TLK2: variants seen among roughly 807,000 people sequenced by gnomAD.
TLK2 encodes the protein tousled like kinase 2.
In TLK2, 6 loss-of-function variants were observed where a neutral mutation model predicts 117.3. The observed-to-expected ratio is 0.05, with a 90% CI of 0.03 to 0.10. TLK2 has a LOEUF of 0.10. TLK2 is among the 10% of genes least tolerant of loss of function. The pLI is 1.00. For missense variants in TLK2, 299 were observed against 901.2 expected, an observed-to-expected ratio of 0.33 and a Z score of 8.56; for synonymous variants, 257 against 316.7, an observed-to-expected ratio of 0.81 and a Z score of 2.00.
rs572813938 is a variant in TLK2, at chr17:62,613,328, T to C, written c.*763T>C. On this transcript the variant is annotated 3_prime_UTR_variant, in exon 22 of 22. Transcript: ENST00000346027. ...AAAAAATTGAGTGGGAGTACTGAGA[T>C]GTGTGGGTTTTTGCCATTGGACAAA... 6.5e-6 allele frequency: 1 copy of C among 152,724 alleles called. No homozygotes were observed. The highest frequency in any genetic ancestry group is 2.4e-5 in the African/African-American group (1 of 41,546). The allele number at this position is 152,724 out of a possible 1,614,324, so 9.5% of individuals were successfully genotyped here. A position where few individuals can be genotyped will look rare whatever the true frequency, so the allele number is the denominator to read the frequency against.
chr17:62,562,190 T>G (rs1471233829), intron 10 of TLK2, among the ~76,000 whole-genome samples: 1 of 152,078 alleles, frequency 6.6e-6, no homozygotes, highest in Non-Finnish European at 1.5e-5. Flanking sequence ...TGAAACCCCA[T>G]CTCTACTAAA....
intron 17 of TLK2, 56 bp downstream of exon 17, chr17:62,596,730 TG>T (rs1438562957): frequency 6.8e-7 from 1 of 1,480,942 alleles, no homozygotes; most frequent in African/African-American, 1.4e-5. Flanking sequence ...CAATGCTGAT[TG>T]TTCATGGAAT....
intron 2 of TLK2, among the ~76,000 whole-genome samples, chr17:62,495,451 G>A (rs1197583619): frequency 6.6e-6 from 1 of 151,308 alleles, no homozygotes; most frequent in African/African-American, 2.4e-5. Context: ...GTCTCACTCT[G>A]TCACCCAGGC....
At chr17:62,499,138 C>G (rs529044780) in intron 2 of TLK2, among the ~76,000 whole-genome samples, 1 of 151,714 alleles carries the variant, frequency 6.6e-6, no homozygotes, top group African/African-American at 2.4e-5. Context: ...GTCAGGAATT[C>G]GAGACCAGCC....
chr17:62,479,960 T>G (rs2071427386), intron 1 of TLK2, among the ~76,000 whole-genome samples: 1 of 152,198 alleles, frequency 6.6e-6, no homozygotes. Flanking sequence ...TTTTTCCTTC[T>G]TTTTCTTTTT....
upstream of TLK2, among the ~76,000 whole-genome samples, chr17:62,474,052 T>C (rs1408809873): frequency 6.6e-6 from 1 of 152,052 alleles, no homozygotes; most frequent in Non-Finnish European, 1.5e-5. Context: ...TATGGCAACA[T>C]GCGCATCTAA....
upstream of TLK2, among the ~76,000 whole-genome samples, chr17:62,474,944 G>A (rs2071009321): frequency 1.3e-5 from 2 of 152,000 alleles, no homozygotes; most frequent in African/African-American, 2.4e-5. Flanking sequence ...CTACAGACAG[G>A]TGCACGCCAC....
intron 19 of TLK2, among the ~76,000 whole-genome samples, chr17:62,605,438 T>G (rs1288414587): frequency 6.6e-6 from 1 of 152,124 alleles, no homozygotes; most frequent in African/African-American, 2.4e-5. Context: ...AGTGGCATGA[T>G]CTTGGCTCAC....
chr17:62,478,225 G>A (rs1029584440), upstream of TLK2: 2 of 151,868 alleles, frequency 1.3e-5, no homozygotes, highest in African/African-American at 4.8e-5. Flanking sequence ...GGAAGTCCGG[G>A]CGGGGTCCGC....
chr17:62,517,696 A>AATT (rs2075720950), intron 2 of TLK2, among the ~76,000 whole-genome samples: 3 of 149,940 alleles, frequency 2.0e-5, no homozygotes, highest in East Asian at 2.0e-4. Flanking sequence ...TTTTAAAATT[A>AATT]ATTATTATTA....
intron 16 of TLK2, among the ~76,000 whole-genome samples, chr17:62,594,090 C>T (rs141247531): frequency 1.2e-3 from 185 of 151,312 alleles, no homozygotes; most frequent in African/African-American, 4.3e-3. Context: ...ACCGCCCCTG[C>T]TCTCTAAAAT....
At chr17:62,516,190 G>C (rs1386289779) in intron 2 of TLK2, 2 of 594,394 alleles carry the variant, frequency 3.4e-6, no homozygotes, top group African/African-American at 1.9e-5. Flanking sequence ...CTCCCAAAGT[G>C]CTGGGATTAC....
At chr17:62,480,992 C>T in intron 1 of TLK2, 129 bp from the exon 2 acceptor site, 1 of 822,310 alleles carries the variant, frequency 1.2e-6, no homozygotes, top group Non-Finnish European at 2.0e-6. Context: ...CACTTGTATG[C>T]TATATTTACT....
chr17:62,549,398 CAAA>C (rs777779302), intron 7 of TLK2, among the ~76,000 whole-genome samples: 13 of 37,100 alleles, frequency 3.5e-4, no homozygotes, highest in Admixed American at 1.3e-3. Context: ...GACTCCATCT[CAAA>C]AAAAAAAAAA....
chr17:62,609,950 G>A (rs2083609097), intron 21 of TLK2, among the ~76,000 whole-genome samples: 3 of 152,148 alleles, frequency 2.0e-5, no homozygotes, highest in South Asian at 2.1e-4. Flanking sequence ...GAGAAGGGTG[G>A]TTGTGAGGTT....
chr17:62,525,118 G>C (rs2076283671), intron 6 of TLK2, among the ~76,000 whole-genome samples: 1 of 152,202 alleles, frequency 6.6e-6, no homozygotes, highest in African/African-American at 2.4e-5. Context: ...ACTCAAGAGT[G>C]TGCTCTATCC....
chr17:62,532,115 A>C (rs2076780128), intron 6 of TLK2, among the ~76,000 whole-genome samples: 1 of 152,148 alleles, frequency 6.6e-6, no homozygotes, highest in East Asian at 1.9e-4. Context: ...AATTTCCCTT[A>C]GATTTTGCTC....
intron 2 of TLK2, among the ~76,000 whole-genome samples, chr17:62,491,409 C>T (rs1182319542): frequency 1.3e-5 from 2 of 151,870 alleles, no homozygotes; most frequent in East Asian, 1.9e-4. Flanking sequence ...TATTTCATAC[C>T]TGGGTCTAGG....
Position 62,565,103 on chromosome 17 carries a change from T to G in TLK2, c.934T>G (p.Trp312Gly). 1 of 1,612,700 alleles carries G rather than the reference T, an allele frequency of 6.2e-7. No homozygotes were observed. The highest frequency in any genetic ancestry group is 8.5e-7 in the Non-Finnish European group (1 of 1,179,738). ...ACACGGAGCCTCATTTACTGAACAG[T>G]GGACAGATGGTTATGCTTTTCAGAA... ...VRHGASFTEQ[W>G]TDGYAFQNLI... is the part of the protein sequence containing the mutation. The change falls in exon 11 of 22, where the codon TGG (tryptophan) becomes GGG (glycine). Residue 312 changes from tryptophan (W) to glycine (G), a missense_variant. Physicochemically the swap from Trp to Gly is radical, Grantham distance 184 (BLOSUM62 -2). This residue lies in a region of TLK2 where 94 missense variants were observed against 282.6 expected (regional missense o/e 0.33). Coordinates refer to ENST00000346027, the MANE Select transcript of TLK2 (RefSeq NM_006852.6).
Sources: allele counts gnomAD v4.1 joint callset (sites outside exome capture counted in the v4.1 genomes callset), GRCh38; gene constraint gnomAD v4.1.1; regional missense constraint gnomAD v4.1.1; transcripts MANE v1.5; gene names NCBI Gene and HGNC (gene_info 2026-07-23, HGNC 2026-07-21).